SMC5: variants seen among roughly 807,000 people sequenced by gnomAD.
SMC5 encodes the protein structural maintenance of chromosomes 5.
SMC5 carries 88 observed loss-of-function variants against 148.3 expected under a neutral mutation model. The observed-to-expected ratio is 0.59, with a 90% confidence interval of 0.50 to 0.71. The LOEUF is 0.71. SMC5 is among the 30% of genes least tolerant of loss of function. SMC5 has a pLI of 0.00. For synonymous variants in SMC5, 421 were observed against 432.8 expected (o/e 0.97, Z 0.34); for missense variants, 1,142 against 1,298.9 (o/e 0.88, Z 1.86).
chr9:70,263,661 T>C (rs556819010), intron 1 of SMC5, among the ~76,000 whole-genome samples: 1 of 152,302 alleles, frequency 6.6e-6, no homozygotes, highest in African/African-American at 2.4e-5. Flanking sequence ...TTTCAACTTT[T>C]GTTTTGTAGG....
intron 15 of SMC5, among the ~76,000 whole-genome samples, chr9:70,321,071 G>C (rs1251039259): frequency 6.6e-6 from 1 of 152,182 alleles, no homozygotes; most frequent in East Asian, 1.9e-4. Flanking sequence ...ATCCCCAGGA[G>C]TCTGTAGACC....
chr9:70,316,306 T>C (rs767388613), intron 13 of SMC5, among the ~76,000 whole-genome samples: 21 of 152,100 alleles, frequency 1.4e-4, no homozygotes, highest in Non-Finnish European at 2.6e-4. Flanking sequence ...CTGCTACTTA[T>C]AATATTTATT....
At chr9:70,289,636 T>A (rs1193756000) in intron 8 of SMC5, among the ~76,000 whole-genome samples, 1 of 152,072 alleles carries the variant, frequency 6.6e-6, no homozygotes, top group Non-Finnish European at 1.5e-5. Flanking sequence ...CTCTTTCTAT[T>A]TTCTGTTGCT....
intron 18 of SMC5, 28 bp downstream of exon 18, chr9:70,344,297 A>G: frequency 7.2e-7 from 1 of 1,383,332 alleles, no homozygotes; most frequent in Non-Finnish European, 9.5e-7. Flanking sequence ...ATAATGCTAC[A>G]ATTGCCATAT....
intron 17 of SMC5, among the ~76,000 whole-genome samples, chr9:70,334,752 A>G (rs7043789): frequency 0.025 from 3,875 of 152,286 alleles, 112 homozygotes; most frequent in South Asian, 0.07. Flanking sequence ...TCAACTATCA[A>G]TACAAAGAAA....
chr9:70,278,837 A>G (rs2034668927), intron 5 of SMC5, among the ~76,000 whole-genome samples: 1 of 152,206 alleles, frequency 6.6e-6, no homozygotes, highest in South Asian at 2.1e-4. Flanking sequence ...TTCAGCAAAT[A>G]CGTATTACTA....
intron 13 of SMC5, 132 bp downstream of exon 13, chr9:70,315,710 A>G: frequency 1.6e-6 from 1 of 610,710 alleles, no homozygotes; most frequent in Admixed American, 3.8e-5. Context: ...CAGAAATTAT[A>G]TTTGTATTAA....
Position 70,297,981 on chromosome 9 carries a change from C to T in SMC5, c.1069C>T (p.Gln357Ter). The T allele has an allele frequency of 6.2e-7, 1 of 1,612,048 alleles. No homozygotes were observed. Among genetic ancestry groups the T allele is most frequent in the South Asian group, 1.1e-5 (1 of 90,610 alleles). ...RKDKHIEELQ[Q>*]ALIVKQNEEL... ...GTTTTATTAGATTGAGGAACTTCAG[C>T]AGGCTTTAATAGTAAAGCAAAATGA... The change falls in exon 9 of 25, where the codon CAG becomes TAG. Residue 357 changes from glutamine to a stop codon, truncating the protein, a stop_gained. Transcript: ENST00000361138. LOFTEE classifies it high-confidence loss of function.
At chr9:70,323,842 T>A (rs1322861954) in intron 16 of SMC5, among the ~76,000 whole-genome samples, 179 bp from the exon 17 acceptor site, 1 of 152,164 alleles carries the variant, frequency 6.6e-6, no homozygotes, top group African/African-American at 2.4e-5. Flanking sequence ...ATGACTCTCT[T>A]AAAAACAAAG....
chr9:70,315,718 T>A, intron 13 of SMC5, 140 bp downstream of exon 13: 1 of 612,372 alleles, frequency 1.6e-6, no homozygotes, highest in Non-Finnish European at 2.5e-6. Context: ...ATATTTGTAT[T>A]AATTATTTTC....
rs2034001680 is a variant in SMC5, at chr9:70,258,997, C to A, written c.-82C>A. ...CGCGGCAGTTCGCGCGGGAGCGGGG[C>A]GCCTGGGTGGATGGGCGCTTGGGCG... On this transcript the variant is annotated 5_prime_UTR_variant, in exon 1 of 25. Coordinates refer to ENST00000361138, the MANE Select transcript of SMC5 (RefSeq NM_015110.4). 6.9e-7 allele frequency: 1 copy of A among 1,440,810 alleles called. No individual in the cohort carries two copies. The highest frequency in any genetic ancestry group is 9.2e-7 in the Non-Finnish European group (1 of 1,086,878). The allele number at this position is 1,440,810 out of a possible 1,614,324, so 89.3% of individuals were successfully genotyped here. A position where few individuals can be genotyped will look rare whatever the true frequency, so the allele number is the denominator to read the frequency against.
At chr9:70,284,052 A>T (rs922410094) in intron 7 of SMC5, among the ~76,000 whole-genome samples, 1 of 152,184 alleles carries the variant, frequency 6.6e-6, no homozygotes, top group Non-Finnish European at 1.5e-5. Flanking sequence ...ATTGTACCAG[A>T]TACTATGTTG....
chr9:70,314,829 GA>G lies in SMC5; in HGVS notation c.1668del (p.Glu556AspfsTer11). The G allele has an allele frequency of 6.6e-7, 1 of 1,525,072 alleles. No individual in the cohort carries two copies. 94.5% of individuals were successfully genotyped at this position (1,525,072 alleles called of 1,614,324 possible). ...ADKAPSRSLN[E>X]LKQYGFFSYL... is the part of the protein sequence containing the mutation. ...CAAAGCACCTTCAAGATCTTTGAAT[GA>G]ACTTAAGTAAGTCTTGAAAATACTA... On this transcript the variant is annotated frameshift_variant, in exon 12 of 25. Coordinates refer to ENST00000361138, the MANE Select transcript of SMC5 (RefSeq NM_015110.4). LOFTEE classifies it high-confidence loss of function.
chr9:70,347,593 G>GT lies in SMC5; in HGVS notation c.2665-11dup, dbSNP rs539828240. 2,235 of 1,306,724 alleles carry GT rather than the reference G, an allele frequency of 1.7e-3. 1 individual carries two copies. Among genetic ancestry groups the GT allele is most frequent in the South Asian group, 5.5e-3 (408 of 73,916 alleles). 80.9% of individuals were successfully genotyped at this position (1,306,724 alleles called of 1,614,324 possible). A position where few individuals can be genotyped will look rare whatever the true frequency, so the allele number is the denominator to read the frequency against. On this transcript the variant is annotated intron_variant, in intron 20 of 24. Coordinates refer to ENST00000361138, the MANE Select transcript of SMC5 (RefSeq NM_015110.4). ...CCTTTGGTAGATTTATCTTAAAGAA[G>GT]TTTTTTTTTCCCCTGCCAGATTGTT...
intron 17 of SMC5, among the ~76,000 whole-genome samples, chr9:70,328,676 C>G (rs964846784): frequency 6.6e-6 from 1 of 152,196 alleles, no homozygotes; most frequent in African/African-American, 2.4e-5. Context: ...GTGGATCTAC[C>G]ATTCTGGGGT....
chr9:70,345,174 ACTAATT>A (rs2036635940), intron 18 of SMC5, among the ~76,000 whole-genome samples: 1 of 48,928 alleles, frequency 2.0e-5, no homozygotes. Flanking sequence ...AGTACAATCT[ACTAATT>A]TTTTTTTTCA....
rs761814524 is a variant in SMC5 at position 70,280,748 on chromosome 9, A to G, written c.679-11A>G. The G allele has an allele frequency of 6.2e-6, 10 of 1,604,516 alleles. No individual in the cohort carries two copies. The Admixed American group carries it at 8.7e-5, about 14-fold the overall frequency. On this transcript the variant is annotated splice_polypyrimidine_tract_variant and intron_variant, in intron 5 of 24. Coordinates refer to ENST00000361138, the MANE Select transcript of SMC5 (RefSeq NM_015110.4). ...CTGTCAAACTGATTGTTCAACATATATTTATTGTAGACCTCATGCAAAGAG... is the reference window on the plus strand; with the variant it reads ...CTGTCAAACTGATTGTTCAACATATGTTTATTGTAGACCTCATGCAAAGAG...
At chr9:70,294,464 G>A (rs985754266) in intron 8 of SMC5, among the ~76,000 whole-genome samples, 1 of 152,174 alleles carries the variant, frequency 6.6e-6, no homozygotes, top group Non-Finnish European at 1.5e-5. Context: ...AAGAAGAAAG[G>A]TCAAGGGATC....
At chr9:70,291,524 T>C (rs2035060274) in intron 8 of SMC5, among the ~76,000 whole-genome samples, 1 of 152,182 alleles carries the variant, frequency 6.6e-6, no homozygotes, top group Non-Finnish European at 1.5e-5. Context: ...CATGACCTTC[T>C]AGAATCCCAG....
Sources: gnomAD v4.1 joint callset for allele counts (sites outside exome capture counted in the v4.1 genomes callset) on GRCh38, gnomAD v4.1.1 for gene constraint, MANE v1.5 for transcripts, NCBI Gene and HGNC (gene_info 2026-07-23, HGNC 2026-07-21) for gene names.